TEP1: variants seen among roughly 807,000 people sequenced by gnomAD.
TEP1 encodes telomerase associated protein 1.
In TEP1, 241 loss-of-function variants were observed where a neutral mutation model predicts 306.3. The ratio of observed to expected loss-of-function variants is 0.79; its 90% confidence interval spans 0.71 to 0.88. TEP1 has a LOEUF of 0.88. Ranked by LOEUF, TEP1 falls within the 40% of genes least tolerant of loss-of-function variation. TEP1 has a pLI of 0.00. For missense variants in TEP1, 3,051 were observed against 3,276.1 expected (o/e 0.93, Z 1.68); for synonymous variants, 1,289 against 1,305.5 (o/e 0.99, Z 0.27).
chr14:20,404,529 C>G, intron 5 of TEP1, 82 bp downstream of exon 5: 1 of 1,509,538 alleles, frequency 6.6e-7, no homozygotes, highest in Non-Finnish European at 8.9e-7. Context: ...ACCAAATTGC[C>G]TGAGAATTTT....
rs1422408144 is a variant in TEP1, at chr14:20,368,559, G to C, written c.7762C>G (p.Leu2588Val). 2.5e-6 allele frequency: 4 copies of C among 1,614,122 alleles called. No individual in the cohort carries two copies. Among genetic ancestry groups the C allele is most frequent in the Non-Finnish European group, 2.5e-6 (3 of 1,179,996 alleles). Reference sequence around the variant, plus strand: ...GACCCTTCGCATCGGAACAGGCCCAGCTACGATGGGAACAAAAATAGGGGA... The same window carrying C: ...GACCCTTCGCATCGGAACAGGCCCACCTACGATGGGAACAAAAATAGGGGA... ...KLWERPSMQL[L>V]GLFRCEGSVS... Residue 2588 changes from leucine (L) to valine (V), a missense_variant and splice_region_variant, in exon 55 of 55, where the codon CTG becomes GTG. Leu to Val is a conservative substitution (Grantham distance 32, BLOSUM62 1). Coordinates refer to ENST00000262715, the MANE Select transcript of TEP1 (RefSeq NM_007110.5).
chr14:20,396,035 A>T, intron 10 of TEP1, 86 bp from the exon 11 acceptor site: 1 of 861,242 alleles, frequency 1.2e-6, no homozygotes, highest in Non-Finnish European at 1.8e-6. Context: ...GCTTTGTGGG[A>T]AGGTACAGAA....
intron 35 of TEP1, among the ~76,000 whole-genome samples, chr14:20,379,678 C>T (rs1187121823): frequency 5.9e-5 from 9 of 152,224 alleles, no homozygotes; most frequent in Admixed American, 5.2e-4. Context: ...AAACTGACCA[C>T]TTGGTGGGCA....
In TEP1 at chr14:20,380,454, T is replaced by C; in HGVS notation, c.4784A>G (p.Glu1595Gly). The change falls in exon 34 of 55, where the codon GAA becomes GGA. Residue 1595 changes from glutamate (E) to glycine (G), a missense_variant. Physicochemically the swap from Glu to Gly is moderately conservative, Grantham distance 98. Coordinates refer to ENST00000262715, the MANE Select transcript of TEP1 (RefSeq NM_007110.5). ...ALYASSVPKE[E>G]QKLPEADVAV... The stretch of plus-strand genomic sequence containing the variant: ...AACGTCAGCCTCGGGGAGCTTTTGT[T>C]CCTCTTTGGGGACTGAAGAAGCTAT... 1 of 1,613,604 alleles carries C rather than the reference T, an allele frequency of 6.2e-7. No individual in the cohort carries two copies. The highest frequency in any genetic ancestry group is 8.5e-7 in the Non-Finnish European group (1 of 1,179,962).
In TEP1 at chr14:20,413,396, G is replaced by C. The variant is rs919392806; in HGVS notation, c.-25+9C>G. On this transcript the variant is annotated intron_variant, in intron 1 of 54. Transcript: ENST00000262715. ...CTTAGACTGGGGCTGGAAACCCTGG[G>C]TGCCTGACCTGGGGCGTCCGATTCC... 6.6e-6 allele frequency: 1 copy of C among 152,326 alleles called. No individual in the cohort carries two copies. Among genetic ancestry groups the C allele is most frequent in the Admixed American group, 6.5e-5 (1 of 15,268 alleles). The allele number at this position is 152,326 out of a possible 1,614,324, so 9.4% of individuals were successfully genotyped here.
At chr14:20,380,201 G>A (rs1215015496) in intron 34 of TEP1, 34 bp downstream of exon 34, 10 of 1,602,232 alleles carry the variant, frequency 6.2e-6, no homozygotes, top group Non-Finnish European at 7.7e-6. Context: ...TTGCTCTCTG[G>A]TGGGCTTACT....
intron 18 of TEP1, among the ~76,000 whole-genome samples, chr14:20,387,250 A>G (rs1877259914): frequency 6.8e-6 from 1 of 147,448 alleles, no homozygotes; most frequent in Non-Finnish European, 1.5e-5. Flanking sequence ...TATAGCTTTA[A>G]GAAATTAAGC....
intron 9 of TEP1, among the ~76,000 whole-genome samples, chr14:20,399,860 A>C (rs1422890225): frequency 6.6e-6 from 1 of 152,036 alleles, no homozygotes; most frequent in Non-Finnish European, 1.5e-5. Context: ...AGATGGGTGC[A>C]TATAGAATTA....
chr14:20,382,842 G>A (rs1876712174), intron 27 of TEP1, 127 bp from the exon 28 acceptor site: 1 of 841,828 alleles, frequency 1.2e-6, no homozygotes, highest in South Asian at 1.5e-5. Flanking sequence ...CAGGTCCATG[G>A]CATCATCCCA....
chr14:20,377,721 G>A lies in TEP1; in HGVS notation c.5754C>T (p.Pro1918=), dbSNP rs1477370760. 6.2e-7 allele frequency: 1 copy of A among 1,613,812 alleles called. No individual in the cohort carries two copies. Among genetic ancestry groups the A allele is most frequent in the Non-Finnish European group, 8.5e-7 (1 of 1,179,996 alleles). ...GAGAAAGGGAACCCAGGTGCCCACG[G>A]GGCCGACCCAGAGACCCTGACCACA... The part of the protein sequence containing the change: ...VQVWSGSLGR[P]RGHLGSLSLS... Residue 1918 remains proline, a synonymous_variant, in exon 40 of 55, where the codon CCC becomes CCT. Transcript: ENST00000262715.
intron 3 of TEP1, 104 bp downstream of exon 3, chr14:20,406,129 C>A: frequency 9.1e-7 from 1 of 1,101,856 alleles, no homozygotes; most frequent in South Asian, 1.5e-5. Context: ...AGGTTGTATC[C>A]CTACCTTCCC....
intron 9 of TEP1, among the ~76,000 whole-genome samples, chr14:20,399,263 G>A (rs1333744519): frequency 1.3e-5 from 2 of 152,116 alleles, no homozygotes; most frequent in African/African-American, 4.8e-5. Flanking sequence ...ATGAACTATT[G>A]CATCCATTGT....
chr14:20,409,799 T>C (rs1396546742), intron 1 of TEP1, among the ~76,000 whole-genome samples: 2 of 152,002 alleles, frequency 1.3e-5, no homozygotes, highest in South Asian at 2.1e-4. Context: ...GGCGGGCGGA[T>C]CACAAGGTCA....
chr14:20,404,912 C>A, intron 4 of TEP1, 140 bp from the exon 5 acceptor site: 1 of 965,010 alleles, frequency 1.0e-6, no homozygotes, highest in Non-Finnish European at 1.5e-6. Context: ...GAAGCCCAGG[C>A]CACCTGACTT....
chr14:20,377,980 G>T, intron 39 of TEP1, 44 bp downstream of exon 39: 5 of 1,586,200 alleles, frequency 3.2e-6, no homozygotes, highest in Non-Finnish European at 2.6e-6. Context: ...CTTTGCCTTT[G>T]CTACTCCTCC....
intron 14 of TEP1, 24 bp from the exon 15 acceptor site, chr14:20,390,782 A>C: frequency 1.9e-6 from 3 of 1,613,772 alleles, no homozygotes; most frequent in Non-Finnish European, 2.5e-6. Context: ...ACTTCATGTT[A>C]TGTGGTTGCA....
rs781198503 is a variant in TEP1, at chr14:20,410,798, TGTG to T, written c.-24-2338_-24-2336del. 1.6e-3 allele frequency among the ~76,000 whole-genome samples: 126 copies of T among 78,650 alleles called. 2 individuals are homozygous for T. Among genetic ancestry groups the T allele is most frequent in the African/African-American group, 5.2e-3 (90 of 17,272 alleles). The allele number at this position is 78,650 out of a possible 152,430, so 51.6% of individuals were successfully genotyped here. A position where few individuals can be genotyped will look rare whatever the true frequency, so the allele number is the denominator to read the frequency against. The stretch of plus-strand genomic sequence containing the variant: ...GCCCACTTGCTAATTGTTTCTCCTT[TGTG>T]GTTTTTTTTTTTTTTTTTTTTTTTT... On this transcript the variant is annotated intron_variant, in intron 1 of 54. Transcript: ENST00000262715.
At chr14:20,408,545 C>T (rs557070156) in intron 1 of TEP1, 82 bp from the exon 2 acceptor site, 9 of 1,089,452 alleles carry the variant, frequency 8.3e-6, no homozygotes, top group South Asian at 6.3e-5. Context: ...CCCCACAGCC[C>T]TCCTGATAAT....
intron 42 of TEP1, 111 bp downstream of exon 42, chr14:20,375,990 ATAC>A: frequency 6.7e-7 from 1 of 1,491,046 alleles, no homozygotes. Flanking sequence ...AGACAGATCT[ATAC>A]TAGATTTGGC....
Sources: gnomAD v4.1 joint callset for allele counts (sites outside exome capture counted in the v4.1 genomes callset) on GRCh38, gnomAD v4.1.1 for gene constraint, MANE v1.5 for transcripts, NCBI Gene and HGNC (gene_info 2026-07-23, HGNC 2026-07-21) for gene names.